Variants in ITGB1 observed in about 807,000 individuals in gnomAD.
ITGB1 encodes the protein integrin beta-1.
In ITGB1, 24 loss-of-function variants were observed where a neutral mutation model predicts 86.5. That is an observed-to-expected ratio of 0.28 (90% confidence interval 0.20 to 0.39). The LOEUF is 0.39. ITGB1 is among the 10% of genes least tolerant of loss of function. ITGB1 has a pLI of 1.00. For synonymous variants in ITGB1, 323 were observed against 316.8 expected, an observed-to-expected ratio of 1.02 and a Z score of -0.21; for missense variants, 556 against 946.9, an observed-to-expected ratio of 0.59 and a Z score of 5.42.
At chr10:32,944,993 A>G in intron 1 of ITGB1, 1 of 827,364 alleles carries the variant, frequency 1.2e-6, no homozygotes, top group South Asian at 1.4e-5. Context: ...GAAAGCTGCC[A>G]TTACTCCATG....
intron 8 of ITGB1, 21 bp downstream of exon 8, chr10:32,922,619 C>G (rs1401923581): frequency 1.4e-6 from 2 of 1,392,566 alleles, no homozygotes; most frequent in East Asian, 4.6e-5. Flanking sequence ...GAATCTTGTT[C>G]TTTTTATCTC....
intron 15 of ITGB1, among the ~76,000 whole-genome samples, chr10:32,905,934 T>C (rs2094895104): frequency 6.6e-6 from 1 of 152,216 alleles, no homozygotes; most frequent in Non-Finnish European, 1.5e-5. Flanking sequence ...TTAACCTTTG[T>C]TATCAGAGTT....
At chr10:32,947,161 A>T (rs1486787294) in intron 1 of ITGB1, among the ~76,000 whole-genome samples, 1 of 151,956 alleles carries the variant, frequency 6.6e-6, no homozygotes, top group Non-Finnish European at 1.5e-5. Flanking sequence ...TCTTTATAAA[A>T]CTTTCTATAA....
intron 15 of ITGB1, among the ~76,000 whole-genome samples, chr10:32,906,289 G>A (rs1017306124): frequency 2.6e-5 from 4 of 152,084 alleles, no homozygotes; most frequent in Non-Finnish European, 4.4e-5. Context: ...TAACAAATTT[G>A]TTATTTAAGG....
chr10:32,935,019 G>A (rs998993479), intron 2 of ITGB1, among the ~76,000 whole-genome samples: 4 of 152,066 alleles, frequency 2.6e-5, no homozygotes, highest in African/African-American at 9.7e-5. Context: ...TTATAGAAGG[G>A]TTAAATACAT....
At chr10:32,913,945 C>T (rs1165099015) in intron 11 of ITGB1, among the ~76,000 whole-genome samples, 1 of 152,126 alleles carries the variant, frequency 6.6e-6, no homozygotes, top group East Asian at 1.9e-4. Context: ...AAAGGGAAGC[C>T]CATCAGACTA....
chr10:32,927,484 C>T (rs1015126431), intron 5 of ITGB1, among the ~76,000 whole-genome samples: 4 of 152,142 alleles, frequency 2.6e-5, no homozygotes, highest in African/African-American at 9.7e-5. Context: ...GGGTATTCAA[C>T]ACATGTTTAT....
At position 32,901,059 on chromosome 10, in the gene ITGB1, G is replaced by GTC. The variant is rs2094880589; in HGVS notation, c.*509_*510dup. On this transcript the variant is annotated 3_prime_UTR_variant, in exon 16 of 16. Coordinates refer to ENST00000302278, the MANE Select transcript of ITGB1 (RefSeq NM_002211.4). ...TACACCAGCAACTCTCAACATACTT[G>GTC]TCTTTCAGATATGTCATCAGTCATG... 7.5e-6 allele frequency: 1 copy of GTC among 133,070 alleles called. No homozygotes were observed. Among genetic ancestry groups the GTC allele is most frequent in the Non-Finnish European group, 1.6e-5 (1 of 61,154 alleles). 8.2% of individuals were successfully genotyped at this position (133,070 alleles called of 1,614,324 possible). A position where few individuals can be genotyped will look rare whatever the true frequency, so the allele number is the denominator to read the frequency against.
intron 13 of ITGB1, 147 bp from the exon 14 acceptor site, chr10:32,910,602 A>G (rs2094910244): frequency 1.8e-6 from 1 of 556,940 alleles, no homozygotes; most frequent in Middle Eastern, 4.8e-4. Context: ...GGAACATTAC[A>G]TTTGTGGATA....
At chr10:32,940,877 T>A (rs2095016746) in intron 1 of ITGB1, among the ~76,000 whole-genome samples, 1 of 152,192 alleles carries the variant, frequency 6.6e-6, no homozygotes, top group Non-Finnish European at 1.5e-5. Flanking sequence ...TCTACTGGTT[T>A]CCCCCTGCCT....
chr10:32,933,210 CA>C (rs2094989836), intron 2 of ITGB1: 1 of 152,122 alleles, frequency 6.6e-6, no homozygotes, highest in African/African-American at 2.4e-5. Context: ...CACAGAGAGA[CA>C]TAAGTTATCT....
chr10:32,905,364 A>G (rs1241693247), intron 15 of ITGB1, among the ~76,000 whole-genome samples: 1 of 152,224 alleles, frequency 6.6e-6, no homozygotes, highest in Non-Finnish European at 1.5e-5. Flanking sequence ...CACACTCTCA[A>G]TAGTCAAAAA....
chr10:32,910,870 T>C (rs1355365051), intron 13 of ITGB1, among the ~76,000 whole-genome samples: 3 of 152,040 alleles, frequency 2.0e-5, no homozygotes, highest in Non-Finnish European at 4.4e-5. Flanking sequence ...TCCCAAGTAG[T>C]TGAGATTACA....
At position 32,932,605 on chromosome 10, in the gene ITGB1, CAGAA is replaced by C. The variant is rs2094987146; in HGVS notation, c.68-9_68-6del. On this transcript the variant is annotated splice_polypyrimidine_tract_variant and splice_region_variant and intron_variant, in intron 2 of 15. Coordinates refer to ENST00000302278, the MANE Select transcript of ITGB1 (RefSeq NM_002211.4). ...CTTTTAAACATCTATTTTCATCTGT[CAGAA>C]AGAAGAAAGAACAGAACATTTTATG... 1 of 1,535,046 alleles carries C rather than the reference CAGAA, an allele frequency of 6.5e-7. No homozygotes were observed. The highest frequency in any genetic ancestry group is 1.4e-5 in the African/African-American group (1 of 73,210).
intron 15 of ITGB1, among the ~76,000 whole-genome samples, chr10:32,904,997 A>C (rs2094892087): frequency 2.0e-5 from 3 of 151,976 alleles, no homozygotes; most frequent in Admixed American, 2.0e-4. Context: ...TGAAATTGTC[A>C]ACATTTGACT....
intron 3 of ITGB1, among the ~76,000 whole-genome samples, chr10:32,930,295 G>A (rs916456216): frequency 1.3e-5 from 2 of 152,090 alleles, no homozygotes; most frequent in Non-Finnish European, 2.9e-5. Flanking sequence ...GCTCTATCTT[G>A]TAATTCAGAG....
chr10:32,931,991 T>C (rs56124718), intron 3 of ITGB1, among the ~76,000 whole-genome samples: 9,615 of 152,158 alleles, frequency 0.063, 521 homozygotes, highest in South Asian at 0.26. Flanking sequence ...TATATTGGGA[T>C]GCAAATCAAT....
At chr10:32,912,978 C>A (rs1348769018) in intron 11 of ITGB1, among the ~76,000 whole-genome samples, 2 of 152,184 alleles carry the variant, frequency 1.3e-5, no homozygotes, top group African/African-American at 4.8e-5. Context: ...GAGGAAGGAT[C>A]AGGCAGCAAC....
intron 15 of ITGB1, chr10:32,906,427 TA>T: frequency 4.6e-6 from 1 of 216,008 alleles, no homozygotes; most frequent in Non-Finnish European, 9.8e-6. Flanking sequence ...CCATCTCTAC[TA>T]AAAACAAAAA....
Sources: gnomAD v4.1 joint callset for allele counts (sites outside exome capture counted in the v4.1 genomes callset) on GRCh38, gnomAD v4.1.1 for gene constraint, MANE v1.5 for transcripts, NCBI Gene and HGNC (gene_info 2026-07-23, HGNC 2026-07-21) for gene names.